The following GPR160 variants were observed in gnomAD, a reference collection of about 807,000 sequenced individuals.
GPR160 encodes probable G protein-coupled receptor 160.
GPR160 carries 2 observed loss-of-function variants against 2.6 expected under a neutral mutation model. The ratio of observed to expected loss-of-function variants is 0.77; its 90% CI spans 0.32 to 2.44. The LOEUF (loss-of-function observed/expected upper bound fraction) is 2.44. Ranked by LOEUF, GPR160 falls within the 30% of genes most tolerant of loss-of-function variation. The pLI is 0.11. For missense variants in GPR160, 351 were observed against 383.6 expected (o/e 0.91, Z 0.71); for synonymous variants, 130 against 132.2 (o/e 0.98, Z 0.12).
At chr3:170,052,641 C>G (rs1287057633) in intron 2 of GPR160, among the ~76,000 whole-genome samples, 1 of 152,102 alleles carries the variant, frequency 6.6e-6, no homozygotes, top group Non-Finnish European at 1.5e-5. Flanking sequence ...GGGCACAAGT[C>G]TTTTGTTAGA....
intron 2 of GPR160, among the ~76,000 whole-genome samples, chr3:170,060,579 A>G (rs1711885711): frequency 6.6e-6 from 1 of 152,104 alleles, no homozygotes; most frequent in Non-Finnish European, 1.5e-5. Context: ...CCTGGGCAAC[A>G]GCAAGACCCC....
At chr3:170,073,090 A>C (rs1712681453) in intron 2 of GPR160, among the ~76,000 whole-genome samples, 1 of 152,132 alleles carries the variant, frequency 6.6e-6, no homozygotes, top group Admixed American at 6.6e-5. Context: ...TGGGAGGCTA[A>C]GGCAGGAGCA....
At chr3:170,045,435 AAAAAAAAAAAAAC>A (rs1716673410) in intron 2 of GPR160, among the ~76,000 whole-genome samples, 44 of 132,484 alleles carry the variant, frequency 3.3e-4, no homozygotes, top group African/African-American at 1.4e-3. Context: ...AAAAAAAAAA[AAAAAAAAAAAAAC>A]CAATTAGCCA....
chr3:170,077,801 A>T (rs552939210), intron 2 of GPR160: 3 of 153,768 alleles, frequency 2.0e-5, no homozygotes, highest in African/African-American at 7.2e-5. Context: ...GTTACACTGC[A>T]TATCTGTGTC....
intron 2 of GPR160, among the ~76,000 whole-genome samples, chr3:170,054,053 T>A (rs1288423413): frequency 2.0e-5 from 3 of 151,958 alleles, no homozygotes; most frequent in Non-Finnish European, 4.4e-5. Context: ...ACAATTTGAA[T>A]CAGACAATTT....
intron 2 of GPR160, chr3:170,062,778 G>T: frequency 1.3e-6 from 1 of 774,758 alleles, no homozygotes; most frequent in South Asian, 1.4e-5. Context: ...GGGCAAAGCG[G>T]AGCTGCAATT....
intron 2 of GPR160, among the ~76,000 whole-genome samples, chr3:170,066,549 G>T (rs1351297835): frequency 6.6e-6 from 1 of 152,088 alleles, no homozygotes; most frequent in Non-Finnish European, 1.5e-5. Flanking sequence ...TACATGGAGA[G>T]TTCCTCATTT....
chr3:170,064,535 T>TTTTTTTTTTTTTTTTTTTTTC (rs1219393634), intron 2 of GPR160, among the ~76,000 whole-genome samples: 2 of 127,952 alleles, frequency 1.6e-5, no homozygotes, highest in Admixed American at 9.0e-5. Context: ...TTTTTTTTTT[T>TTTTTTTTTTTTTTTTTTTTTC]TGAGGCAGAG....
intron 2 of GPR160, among the ~76,000 whole-genome samples, chr3:170,039,446 C>T (rs1477884472): frequency 6.6e-6 from 1 of 152,146 alleles, no homozygotes; most frequent in Non-Finnish European, 1.5e-5. Context: ...CGGTGGCTCA[C>T]ACCTGTAATC....
At chr3:170,049,690 G>A (rs1716872606) in intron 2 of GPR160, among the ~76,000 whole-genome samples, 1 of 152,198 alleles carries the variant, frequency 6.6e-6, no homozygotes, top group African/African-American at 2.4e-5. Context: ...GGGGACCTGG[G>A]GGAATGGAAA....
intron 2 of GPR160, among the ~76,000 whole-genome samples, chr3:170,072,969 G>T (rs1329093502): frequency 6.6e-6 from 1 of 152,136 alleles, no homozygotes; most frequent in East Asian, 1.9e-4. Flanking sequence ...AATGCTTGAA[G>T]CCAGGAGTTT....
intron 2 of GPR160, among the ~76,000 whole-genome samples, chr3:170,066,667 G>A (rs1712361263): frequency 6.6e-6 from 1 of 152,138 alleles, no homozygotes; most frequent in Non-Finnish European, 1.5e-5. Context: ...AAGTTATAAT[G>A]TAGTTTCCAG....
Position 170,085,083 on chromosome 3 carries a change from A to G in GPR160, c.*94A>G. 1.7e-6 allele frequency: 1 copy of G among 596,922 alleles called. No individual in the cohort carries two copies. Among genetic ancestry groups the G allele is most frequent in the East Asian group, 3.2e-5 (1 of 31,312 alleles). The allele number at this position is 596,922 out of a possible 1,614,324, so 37.0% of individuals were successfully genotyped here. A position where few individuals can be genotyped will look rare whatever the true frequency, so the allele number is the denominator to read the frequency against. ...TTAAAAAATAAACTGAACTAAAACA[A>G]CTTTTGCCCCCTGACTGATAGCATT... is the stretch of plus-strand genomic sequence containing the variant. On this transcript the variant is annotated 3_prime_UTR_variant, in exon 4 of 4. Coordinates refer to ENST00000355897, the MANE Select transcript of GPR160 (RefSeq NM_014373.3).
chr3:170,075,023 C>T (rs867988651), intron 2 of GPR160, among the ~76,000 whole-genome samples: 3 of 152,032 alleles, frequency 2.0e-5, no homozygotes, highest in East Asian at 1.9e-4. Flanking sequence ...GTCAGGAATT[C>T]GAGACTAGCC....
At chr3:170,079,101 C>T (rs1277470481) in intron 2 of GPR160, among the ~76,000 whole-genome samples, 2 of 152,238 alleles carry the variant, frequency 1.3e-5, no homozygotes, top group Non-Finnish European at 2.9e-5. Flanking sequence ...TACCCACAGA[C>T]TGTGTTTGCT....
At chr3:170,079,173 G>A (rs555677312) in intron 2 of GPR160, among the ~76,000 whole-genome samples, 1 of 152,354 alleles carries the variant, frequency 6.6e-6, no homozygotes, top group East Asian at 1.9e-4. Context: ...GTTCAAGGCT[G>A]CTCTCTTCTT....
chr3:170,057,050 C>T (rs1280677505), intron 2 of GPR160, among the ~76,000 whole-genome samples: 2 of 152,090 alleles, frequency 1.3e-5, no homozygotes, highest in East Asian at 1.9e-4. Flanking sequence ...AAATGTATAC[C>T]GGAGCCACAG....
intron 2 of GPR160, among the ~76,000 whole-genome samples, chr3:170,068,289 C>T (rs1712441374): frequency 6.6e-6 from 1 of 152,012 alleles, no homozygotes; most frequent in Admixed American, 6.6e-5. Context: ...GTATTACAGG[C>T]GTGCACCACC....
intron 2 of GPR160, among the ~76,000 whole-genome samples, chr3:170,071,139 C>T (rs942666852): frequency 1.3e-5 from 2 of 152,068 alleles, no homozygotes; most frequent in Admixed American, 6.5e-5. Flanking sequence ...TCTTTTTGTT[C>T]GGCATGTGAT....
Sources: allele counts gnomAD v4.1 joint callset (sites outside exome capture counted in the v4.1 genomes callset), GRCh38; gene constraint gnomAD v4.1.1; transcripts MANE v1.5; gene names NCBI Gene and HGNC (gene_info 2026-07-23, HGNC 2026-07-21).